KCNN3: variants seen among roughly 807,000 people sequenced by gnomAD.
KCNN3 encodes the protein potassium calcium-activated channel subfamily N member 3.
Under a neutral mutation model 62.9 loss-of-function variants are expected in KCNN3, and 16 were observed. The ratio of observed to expected loss-of-function variants is 0.25; its 90% confidence interval spans 0.17 to 0.39. The LOEUF is 0.39. Ranked by LOEUF, KCNN3 falls within the 10% of genes least tolerant of loss-of-function variation. The probability of loss-of-function intolerance (pLI) is 1.00; values close to 1 mark genes in which losing one functional copy is unlikely to be tolerated. For missense variants in KCNN3, 599 were observed against 949.4 expected, an observed-to-expected ratio of 0.63 and a Z score of 4.85; for synonymous variants, 370 against 389.2, an observed-to-expected ratio of 0.95 and a Z score of 0.58.
At chr1:154,820,789 CCCAGCAT>C (rs2101893298) in intron 2 of KCNN3, among the ~76,000 whole-genome samples, 1 of 152,336 alleles carries the variant, frequency 6.6e-6, no homozygotes, top group African/African-American at 2.4e-5. Flanking sequence ...GCTGAAGAGT[CCCAGCAT>C]CCAGGTCAGT....
chr1:154,866,540 C>G (rs867813580), intron 1 of KCNN3, among the ~76,000 whole-genome samples: 24 of 152,172 alleles, frequency 1.6e-4, no homozygotes, highest in African/African-American at 5.6e-4. Context: ...AGAGGGATAT[C>G]TATCTTGGCC....
At chr1:154,822,678 C>T (rs1371646587) in intron 1 of KCNN3, among the ~76,000 whole-genome samples, 1 of 152,212 alleles carries the variant, frequency 6.6e-6, no homozygotes, top group Non-Finnish European at 1.5e-5. Flanking sequence ...TTGAATGTCC[C>T]GGCAGCTGCT....
chr1:154,779,886 C>T (rs1231735597), intron 2 of KCNN3, among the ~76,000 whole-genome samples: 1 of 152,222 alleles, frequency 6.6e-6, no homozygotes, highest in Non-Finnish European at 1.5e-5. Flanking sequence ...AGGCCCTCTC[C>T]CTTGTCACCT....
At chr1:154,754,841 C>T (rs1221480781) in intron 3 of KCNN3, among the ~76,000 whole-genome samples, 1 of 152,058 alleles carries the variant, frequency 6.6e-6, no homozygotes, top group African/African-American at 2.4e-5. Flanking sequence ...CAGCCTAAAA[C>T]GAATACTAAC....
chr1:154,741,805 G>A (rs975776195), intron 3 of KCNN3, among the ~76,000 whole-genome samples: 2 of 151,466 alleles, frequency 1.3e-5, no homozygotes, highest in Non-Finnish European at 2.9e-5. Flanking sequence ...TTGGAAATTT[G>A]CAGGCATTGA....
At position 154,772,451 on chromosome 1, in the gene KCNN3, C is replaced by T; in HGVS notation, c.1030-58G>A. The T allele has an allele frequency of 1.3e-6, 2 of 1,576,930 alleles. No homozygotes were observed. Among genetic ancestry groups the T allele is most frequent in the Non-Finnish European group, 1.7e-6 (2 of 1,151,976 alleles). On this transcript the variant is annotated intron_variant, in intron 2 of 7. Transcript: ENST00000271915. The surrounding 1 kb of genome is among the most constrained non-coding windows in gnomAD (Gnocchi z 5.6). ...AGGACCAGGAAGCCCACAGCAGGGT[C>T]CAGGCAGGACAGGTGGGGCAGGCTG...
chr1:154,785,737 C>T (rs1649255863), intron 2 of KCNN3, among the ~76,000 whole-genome samples: 1 of 151,788 alleles, frequency 6.6e-6, no homozygotes, highest in East Asian at 1.9e-4. Flanking sequence ...CCAGCTACCA[C>T]GAGTAGCTGT....
intron 2 of KCNN3, among the ~76,000 whole-genome samples, chr1:154,821,330 C>T (rs1571309403): frequency 6.6e-6 from 1 of 152,322 alleles, no homozygotes; most frequent in Non-Finnish European, 1.5e-5. Context: ...TAGTTTAGAA[C>T]TTCTCAGGTC....
intron 6 of KCNN3, among the ~76,000 whole-genome samples, chr1:154,714,328 GTGT>G (rs1700168844): frequency 8.2e-5 from 11 of 133,980 alleles, no homozygotes; most frequent in Non-Finnish European, 9.6e-5. Flanking sequence ...AGGTGTGTGT[GTGT>G]GGTGTTTGTG....
chr1:154,715,194 T>C (rs1034116212), intron 5 of KCNN3, among the ~76,000 whole-genome samples, 191 bp from the exon 6 acceptor site: 1 of 152,024 alleles, frequency 6.6e-6, no homozygotes, highest in Non-Finnish European at 1.5e-5. Context: ...TCTCAGAACT[T>C]TGGGAGGCCG....
chr1:154,848,712 G>A (rs946400079), intron 1 of KCNN3, among the ~76,000 whole-genome samples: 1 of 152,030 alleles, frequency 6.6e-6, no homozygotes, highest in African/African-American at 2.4e-5. Context: ...CTCAGAACAC[G>A]CATTCCCTTT....
intron 1 of KCNN3, among the ~76,000 whole-genome samples, chr1:154,851,393 T>C (rs891855609): frequency 6.6e-6 from 1 of 152,198 alleles, no homozygotes; most frequent in African/African-American, 2.4e-5. Flanking sequence ...AGCACCATCC[T>C]GTGACCTCTT....
At chr1:154,733,705 G>T (rs1162607397) in intron 3 of KCNN3, among the ~76,000 whole-genome samples, 1 of 152,112 alleles carries the variant, frequency 6.6e-6, no homozygotes, top group African/African-American at 2.4e-5. Context: ...GTCCACAGAG[G>T]CCTCCCTTTC....
chr1:154,755,134 A>G lies in KCNN3; in HGVS notation c.1448+16841T>C, dbSNP rs1647576902. Among the ~76,000 whole-genome samples, 4 of 152,186 alleles carry G rather than the reference A, an allele frequency of 2.6e-5. No homozygotes were observed. In the South Asian group the frequency reaches 8.3e-4, roughly 31 times the overall value. ...ATTTACTCACAAAGATGCCAAAGTA[A>G]TATTTTTAGAAGCAACCATATTGTA... On this transcript the variant is annotated intron_variant, in intron 3 of 7. Coordinates refer to ENST00000271915, the MANE Select transcript of KCNN3 (RefSeq NM_002249.6).
chr1:154,830,372 G>A (rs186156603), intron 1 of KCNN3, among the ~76,000 whole-genome samples: 277 of 152,314 alleles, frequency 1.8e-3, no homozygotes, highest in Non-Finnish European at 2.9e-3. Flanking sequence ...GATCCAGAGG[G>A]AACCTCAGGA....
rs879455650 is a variant in KCNN3, at chr1:154,865,352, T to TA, written c.933+3679dup. ...GACTTCAGAGAGTAAACCTGCCTAT[T>TA]AAAAAAAAAAAAAGGACTCCTCATT... On this transcript the variant is annotated intron_variant, in intron 1 of 7. Transcript: ENST00000271915. 7.3e-3 allele frequency among the ~76,000 whole-genome samples: 1,038 copies of TA among 142,198 alleles called. 5 individuals are homozygous for TA. The highest frequency in any genetic ancestry group is 0.022 in the African/African-American group (870 of 38,736). The allele number at this position is 142,198 out of a possible 152,430, so 93.3% of individuals were successfully genotyped here.
At chr1:154,756,018 A>C (rs1205938021) in intron 3 of KCNN3, among the ~76,000 whole-genome samples, 1 of 128,126 alleles carries the variant, frequency 7.8e-6, no homozygotes, top group Non-Finnish European at 1.7e-5. Context: ...AAGGCAAAGA[A>C]GAAGAAGACG....
chr1:154,825,428 C>T (rs1380156387), intron 1 of KCNN3, among the ~76,000 whole-genome samples: 1 of 147,206 alleles, frequency 6.8e-6, no homozygotes, highest in Non-Finnish European at 1.5e-5. Flanking sequence ...TGCAGTGGCA[C>T]GATCTCAGCT....
intron 2 of KCNN3, among the ~76,000 whole-genome samples, chr1:154,783,065 T>C (rs1228491497): frequency 6.6e-6 from 1 of 151,876 alleles, no homozygotes; most frequent in Non-Finnish European, 1.5e-5. Flanking sequence ...ACAAAAAAAC[T>C]AGCCGGGCGT....
Sources: allele counts gnomAD v4.1 joint callset (sites outside exome capture counted in the v4.1 genomes callset), GRCh38; gene constraint gnomAD v4.1.1; non-coding constraint Gnocchi (gnomAD v3.1); transcripts MANE v1.5; gene names NCBI Gene and HGNC (gene_info 2026-07-23, HGNC 2026-07-21).